ITGA8: variants seen among roughly 807,000 people sequenced by gnomAD.
The protein encoded by ITGA8 is integrin alpha-8.
Under a neutral mutation model 142.3 loss-of-function variants are expected in ITGA8, and 91 were observed. The ratio of observed to expected loss-of-function variants is 0.64; its 90% confidence interval spans 0.54 to 0.76. The LOEUF (loss-of-function observed/expected upper bound fraction) is 0.76, where lower values mean the gene tolerates loss of function less well. Ranked by LOEUF, ITGA8 falls within the 30% of genes least tolerant of loss-of-function variation. The pLI is 0.00. For synonymous variants in ITGA8, 505 were observed against 485.2 expected, an observed-to-expected ratio of 1.04 and a Z score of -0.54; for missense variants, 1,406 against 1,327.7, an observed-to-expected ratio of 1.06 and a Z score of -0.92.
chr10:15,615,159 C>G (rs780480683), intron 14 of ITGA8, among the ~76,000 whole-genome samples: 2 of 152,156 alleles, frequency 1.3e-5, no homozygotes, highest in Non-Finnish European at 2.9e-5. Context: ...ATGAAAGTGG[C>G]GGATTGGAAG....
intron 8 of ITGA8, among the ~76,000 whole-genome samples, chr10:15,667,497 G>A (rs558406858): frequency 2.6e-5 from 4 of 152,214 alleles, no homozygotes; most frequent in East Asian, 3.9e-4. Flanking sequence ...TTGTTGAAGA[G>A]TTTTTTGTGT....
chr10:15,586,349 G>A lies in ITGA8; in HGVS notation c.2372+235C>T, dbSNP rs113960474. On this transcript the variant is annotated intron_variant, in intron 23 of 29. Coordinates refer to ENST00000378076, the MANE Select transcript of ITGA8 (RefSeq NM_003638.3). ...GCTGGGAGTATAGGCATGAGCCACC[G>A]CGCCTGGCATAAAGTGATTTCTTGT... Among the ~76,000 whole-genome samples, 168 of 151,768 alleles carry A rather than the reference G, an allele frequency of 1.1e-3. 2 individuals are homozygous for A. The highest frequency in any genetic ancestry group is 3.1e-3 in the African/African-American group (128 of 41,424).
intron 26 of ITGA8, among the ~76,000 whole-genome samples, chr10:15,553,755 C>T (rs970783594): frequency 6.6e-6 from 1 of 152,154 alleles, no homozygotes; most frequent in Non-Finnish European, 1.5e-5. Flanking sequence ...AATCCCAGCA[C>T]TTTGGGAGGC....
intron 8 of ITGA8, among the ~76,000 whole-genome samples, chr10:15,664,317 G>A (rs915778847): frequency 6.6e-6 from 1 of 152,178 alleles, no homozygotes; most frequent in Admixed American, 6.6e-5. Flanking sequence ...AAGACATAAT[G>A]AGAGGACAAG....
chr10:15,691,195 G>A (rs1273380797), intron 2 of ITGA8, among the ~76,000 whole-genome samples: 2 of 152,180 alleles, frequency 1.3e-5, no homozygotes, highest in African/African-American at 4.8e-5. Flanking sequence ...AAGATAACAA[G>A]TGTTGTGGAG....
At chr10:15,699,110 C>G (rs1835111437) in intron 2 of ITGA8, among the ~76,000 whole-genome samples, 2 of 152,122 alleles carry the variant, frequency 1.3e-5, no homozygotes, top group South Asian at 4.1e-4. Context: ...ATGGTGAAAC[C>G]TCACCTCTAC....
intron 27 of ITGA8, among the ~76,000 whole-genome samples, chr10:15,542,126 G>A (rs1278285711): frequency 2.6e-5 from 4 of 152,132 alleles, no homozygotes; most frequent in African/African-American, 9.7e-5. Context: ...TTTACGAGGG[G>A]ATATAAGGAA....
intron 21 of ITGA8, among the ~76,000 whole-genome samples, chr10:15,593,747 G>A (rs774384611): frequency 7.9e-5 from 12 of 152,082 alleles, no homozygotes; most frequent in Non-Finnish European, 8.8e-5. Context: ...CAGTCCTACA[G>A]GTAGGTGTTT....
chr10:15,537,505 C>T (rs570792839), intron 27 of ITGA8, among the ~76,000 whole-genome samples: 4 of 152,302 alleles, frequency 2.6e-5, no homozygotes, highest in Admixed American at 6.5e-5. Flanking sequence ...TTTATTGTTT[C>T]CAAAGCCACT....
chr10:15,699,804 A>G (rs953932062), intron 2 of ITGA8, among the ~76,000 whole-genome samples: 1 of 152,178 alleles, frequency 6.6e-6, no homozygotes, highest in African/African-American at 2.4e-5. Context: ...GGAGTGAGGG[A>G]TTCTCAACTT....
intron 13 of ITGA8, among the ~76,000 whole-genome samples, chr10:15,639,156 C>T (rs1170194569): frequency 1.3e-5 from 2 of 151,820 alleles, no homozygotes; most frequent in Non-Finnish European, 2.9e-5. Context: ...GTTGCCCCTG[C>T]CCCTTCCTGA....
intron 25 of ITGA8, among the ~76,000 whole-genome samples, chr10:15,569,644 C>G (rs1437350457): frequency 2.0e-5 from 3 of 152,172 alleles, no homozygotes; most frequent in Admixed American, 1.3e-4. Flanking sequence ...ACCTCAAACT[C>G]CTGGCCTTAC....
intron 5 of ITGA8, among the ~76,000 whole-genome samples, chr10:15,677,898 TTC>T (rs1834662110): frequency 6.6e-6 from 1 of 152,206 alleles, no homozygotes; most frequent in Non-Finnish European, 1.5e-5. Flanking sequence ...GAGAGATAAA[TTC>T]TGTTTTTTGG....
At chr10:15,655,133 C>G (rs2275618) in intron 11 of ITGA8, among the ~76,000 whole-genome samples, 1 of 151,898 alleles carries the variant, frequency 6.6e-6, no homozygotes, top group Non-Finnish European at 1.5e-5. Flanking sequence ...AATAGTCCTC[C>G]TCTAGAAGCA....
chr10:15,707,996 A>ACC (rs1237237757), intron 2 of ITGA8, among the ~76,000 whole-genome samples: 3 of 145,590 alleles, frequency 2.1e-5, no homozygotes, highest in Admixed American at 6.8e-5. Flanking sequence ...ACACACACAC[A>ACC]CCATTCTCTG....
chr10:15,681,614 A>T (rs1163034834), intron 4 of ITGA8, among the ~76,000 whole-genome samples: 1 of 152,218 alleles, frequency 6.6e-6, no homozygotes. Context: ...CTCACATCCC[A>T]CACAGGTAGT....
intron 2 of ITGA8, among the ~76,000 whole-genome samples, chr10:15,691,074 C>G (rs186017945): frequency 2.1e-4 from 32 of 152,258 alleles, no homozygotes; most frequent in African/African-American, 6.5e-4. Context: ...AAACGGCCAA[C>G]AGGTATATGT....
rs186416016 is a variant in ITGA8, at chr10:15,653,865, C to T, written c.1001+1489G>A. On this transcript the variant is annotated intron_variant, in intron 11 of 29. Coordinates refer to ENST00000378076, the MANE Select transcript of ITGA8 (RefSeq NM_003638.3). The stretch of plus-strand genomic sequence containing the variant: ...TTTTTTCTTGTTTGAGACAGAGTCT[C>T]GCTCTGTTGCCCAGGCTGGAGTGCA... Among the ~76,000 whole-genome samples the T allele has an allele frequency of 3.3e-3, 488 of 148,584 alleles. 4 individuals are homozygous for T. The highest frequency in any genetic ancestry group is 0.011 in the African/African-American group (446 of 40,208).
At chr10:15,643,940 A>G (rs1267064120) in intron 13 of ITGA8, 90 bp downstream of exon 13, 1 of 1,173,132 alleles carries the variant, frequency 8.5e-7, no homozygotes, top group Non-Finnish European at 1.2e-6. Context: ...CATCTGTAGA[A>G]GAAAACTGCC....
Sources: gnomAD v4.1 joint callset for allele counts (sites outside exome capture counted in the v4.1 genomes callset) on GRCh38, gnomAD v4.1.1 for gene constraint, MANE v1.5 for transcripts, NCBI Gene and HGNC (gene_info 2026-07-23, HGNC 2026-07-21) for gene names.